MAP4K1: variants seen among roughly 807,000 people sequenced by gnomAD.
The protein encoded by MAP4K1 is MAPK/ERK kinase kinase kinase 1.
In MAP4K1, 35 loss-of-function variants were observed where a neutral mutation model predicts 122.8. The observed-to-expected ratio is 0.29, with a 90% CI of 0.22 to 0.38. The LOEUF (loss-of-function observed/expected upper bound fraction) is 0.38. MAP4K1 is among the 10% of genes least tolerant of loss of function. The pLI is 1.00. For missense variants in MAP4K1, 791 were observed against 1,072.6 expected (o/e 0.74, Z 3.67); for synonymous variants, 412 against 421.3 (o/e 0.98, Z 0.27).
At chr19:38,591,046 C>T (rs1049406101) in intron 30 of MAP4K1, among the ~76,000 whole-genome samples, 2 of 151,212 alleles carry the variant, frequency 1.3e-5, no homozygotes, top group East Asian at 2.0e-4. Context: ...GAGAAGAGGC[C>T]GGGCATGGTG....
rs758305822 is a variant in MAP4K1 at position 38,609,969 on chromosome 19, G to T, written c.867C>A (p.Asp289Glu). ...GTCCTTTCCCGGGATTCTTCAGTTT[G>T]TCAAGAAGATCCAGGATCAGGCCTC... Reference protein sequence around the residue: ...LNRGLILDLLDKLKNPGKGPS... With the variant: ...LNRGLILDLLEKLKNPGKGPS... Residue 289 changes from aspartate to glutamate, a missense_variant, in exon 12 of 31, where the codon GAC (aspartate) becomes GAA (glutamate). Coordinates refer to ENST00000396857, the MANE Select transcript of MAP4K1 (RefSeq NM_001042600.3). The T allele has an allele frequency of 3.7e-6, 6 of 1,614,078 alleles. No homozygotes were observed. The East Asian group carries it at 1.3e-4, about 36-fold the overall frequency.
chr19:38,599,669 G>GA (rs11460234), intron 22 of MAP4K1, among the ~76,000 whole-genome samples: 11,713 of 149,978 alleles, frequency 0.078, 758 homozygotes, highest in East Asian at 0.26. Context: ...CTCAAAAAAA[G>GA]AAAAAAAAAG....
Position 38,617,769 on chromosome 19 carries a change from G to C in MAP4K1, c.99+28C>G, listed in dbSNP as rs749713670. On this transcript the variant is annotated intron_variant, in intron 1 of 30. Coordinates refer to ENST00000396857, the MANE Select transcript of MAP4K1 (RefSeq NM_001042600.3). The surrounding 1 kb of genome is among the most constrained non-coding windows in gnomAD (Gnocchi z 4.1). ...TTGCCTTAAAGGTCACTGGTTGTAG[G>C]GTGTTGGGGACAGAGGGGCTTCCTC... 40 of 1,612,236 alleles carry C rather than the reference G, an allele frequency of 2.5e-5. No individual in the cohort carries two copies. In the South Asian group the frequency reaches 3.8e-4, roughly 15 times the overall value.
At chr19:38,609,844 G>T in intron 12 of MAP4K1, 65 bp downstream of exon 12, 1 of 1,454,296 alleles carries the variant, frequency 6.9e-7, no homozygotes, top group Non-Finnish European at 9.6e-7. Context: ...AGGCACTGCT[G>T]GCAGCAGGCA....
rs1975676187 is a variant in MAP4K1, at chr19:38,617,320, G to A, written c.248+34C>T. ...AATGGGGACTCCGGGTTAGGGGCTGGGCTGGGTGCCAGGGTGGGTCTGAGG... is the reference window on the plus strand; with the variant it reads ...AATGGGGACTCCGGGTTAGGGGCTGAGCTGGGTGCCAGGGTGGGTCTGAGG... On this transcript the variant is annotated intron_variant, in intron 3 of 30. Transcript: ENST00000396857. The surrounding 1 kb of genome is among the most constrained non-coding windows in gnomAD (Gnocchi z 4.1). 1.4e-6 allele frequency: 2 copies of A among 1,477,788 alleles called. No homozygotes were observed. Among genetic ancestry groups the A allele is most frequent in the East Asian group, 2.3e-5 (1 of 44,298 alleles). The allele number at this position is 1,477,788 out of a possible 1,614,324, so 91.5% of individuals were successfully genotyped here.
chr19:38,614,482 G>A (rs1975589798), intron 4 of MAP4K1, 37 bp from the exon 5 acceptor site: 4 of 1,612,500 alleles, frequency 2.5e-6, no homozygotes, highest in Non-Finnish European at 3.4e-6. Context: ...GGCATTGGAT[G>A]GGAGCCAGGG....
At chr19:38,596,628 C>G (rs961927444) in intron 25 of MAP4K1, 142 bp from the exon 26 acceptor site, 45 of 739,200 alleles carry the variant, frequency 6.1e-5, no homozygotes, top group Non-Finnish European at 7.5e-5. Flanking sequence ...GGGGATAAGG[C>G]CTGGTGCCTC....
chr19:38,595,408 G>A, intron 29 of MAP4K1, 77 bp downstream of exon 29: 1 of 1,474,146 alleles, frequency 6.8e-7, no homozygotes, highest in South Asian at 1.1e-5. Context: ...TGACTCAGGA[G>A]TTCTCGGAGC....
rs575331158 is a variant in MAP4K1 at position 38,612,428 on chromosome 19, AAAAAT to A, written c.665+178_665+182del. Among the ~76,000 whole-genome samples the A allele has an allele frequency of 8.6e-3, 1,311 of 152,150 alleles. 6 individuals carry two copies. Among genetic ancestry groups the A allele is most frequent in the Middle Eastern group, 0.031 (9 of 294 alleles). ...GAGCAAGACTCTGTCTTAAAAAATA[AAAAAT>A]AAAATAAAATAAAATATTAAATTAA... On this transcript the variant is annotated intron_variant, in intron 9 of 30. Coordinates refer to ENST00000396857, the MANE Select transcript of MAP4K1 (RefSeq NM_001042600.3).
In MAP4K1 at chr19:38,587,722, C is replaced by T. The variant is rs1974563546; in HGVS notation, c.*26G>A. 6.3e-7 allele frequency: 1 copy of T among 1,576,592 alleles called. No homozygotes were observed. Among genetic ancestry groups the T allele is most frequent in the East Asian group, 2.2e-5 (1 of 44,682 alleles). ...GTCTATGGGGGAGGGGGTGCAAGGA[C>T]TAGTTCCTGACACCCCCCTAGGGAC... On this transcript the variant is annotated 3_prime_UTR_variant, in exon 31 of 31. Transcript: ENST00000396857.
Position 38,603,143 on chromosome 19 carries a change from TAC to T in MAP4K1, c.1447-1620_1447-1619del, listed in dbSNP as rs778322854. On this transcript the variant is annotated intron_variant, in intron 19 of 30. Transcript: ENST00000396857. ...GTACATATATACGCATATACATATA[TAC>T]ACACATATACATGTATACATATATA... Among the ~76,000 whole-genome samples, 161 of 148,870 alleles carry T rather than the reference TAC, an allele frequency of 1.1e-3. 12 individuals carry two copies. The highest frequency in any genetic ancestry group is 3.8e-3 in the African/African-American group (153 of 40,604).
intron 30 of MAP4K1, 66 bp from the exon 31 acceptor site, chr19:38,587,883 A>G: frequency 7.9e-7 from 1 of 1,268,288 alleles, no homozygotes; most frequent in Non-Finnish European, 1.2e-6. Context: ...ATTAATTCAC[A>G]AAGTAGTTAA....
At chr19:38,602,539 C>T (rs183137577) in intron 19 of MAP4K1, among the ~76,000 whole-genome samples, 1 of 147,966 alleles carries the variant, frequency 6.8e-6, no homozygotes, top group African/African-American at 2.5e-5. Context: ...CATATATACA[C>T]ATATACATAT....
At position 38,605,706 on chromosome 19, in the gene MAP4K1, C is replaced by G; in HGVS notation, c.1225G>C (p.Glu409Gln). ...PKPKFRSPSD[E>Q]GPGSMGDDGQ... ...TCATCCCCCATGCTCCCAGGACCCT[C>G]GTCTGATGGAGAACGGAACTTGGGC... is the stretch of plus-strand genomic sequence containing the variant. Residue 409 changes from glutamate (E) to glutamine (Q), a missense_variant, in exon 18 of 31, where the codon GAG becomes CAG. By Grantham distance (29) the Glu-to-Gln change is conservative. Transcript: ENST00000396857. 6.2e-7 allele frequency: 1 copy of G among 1,607,220 alleles called. No homozygotes were observed. The highest frequency in any genetic ancestry group is 8.5e-7 in the Non-Finnish European group (1 of 1,178,498).
At chr19:38,617,000 C>G (rs998700714) in intron 3 of MAP4K1, among the ~76,000 whole-genome samples, 1 of 152,060 alleles carries the variant, frequency 6.6e-6, no homozygotes, top group Non-Finnish European at 1.5e-5. Flanking sequence ...GTAATCCCAG[C>G]ACTTTCGGAG....
intron 18 of MAP4K1, 33 bp from the exon 19 acceptor site, chr19:38,605,524 G>A (rs1975298691): frequency 2.6e-6 from 4 of 1,541,048 alleles, no homozygotes; most frequent in Non-Finnish European, 3.5e-6. Context: ...CAGCCCCCAA[G>A]AACCCCCAAC....
rs1568625664 is a variant in MAP4K1 at position 38,597,699 on chromosome 19, C to A, written c.1670-105G>T. The A allele has an allele frequency of 1.2e-5, 8 of 692,418 alleles. No homozygotes were observed. In the East Asian group the frequency reaches 2.2e-4, roughly 19 times the overall value. 42.9% of individuals were successfully genotyped at this position (692,418 alleles called of 1,614,324 possible). On this transcript the variant is annotated intron_variant, in intron 22 of 30. Transcript: ENST00000396857. The surrounding 1 kb of genome is among the most constrained non-coding windows in gnomAD (Gnocchi z 4.6). The stretch of plus-strand genomic sequence containing the variant: ...CAGCCCCATCCCTTTGTCTGAAACT[C>A]CCAAGCCTGCAAGTCTCAAGTACTT...
Position 38,609,670 on chromosome 19 carries a change from G to T in MAP4K1, c.932C>A (p.Pro311His). The change falls in exon 13 of 31, where the codon CCC becomes CAC. Residue 311 changes from proline to histidine, a missense_variant. Pro to His is a moderately conservative substitution (Grantham distance 77). Transcript: ENST00000396857. Reference sequence around the variant, plus strand: ...TCTGATCCGCCGAGGGATAGCAGGGGGTAGCTGGGCAGAGGGGCAGCCACG... The same window carrying T: ...TCTGATCCGCCGAGGGATAGCAGGGTGTAGCTGGGCAGAGGGGCAGCCACG... ...GDIEDEEPELPPAIPRRIRST... is the reference protein window; with the variant it reads ...GDIEDEEPELHPAIPRRIRST... 1.2e-6 allele frequency: 2 copies of T among 1,612,160 alleles called. No individual in the cohort carries two copies. Among genetic ancestry groups the T allele is most frequent in the Non-Finnish European group, 8.5e-7 (1 of 1,179,252 alleles).
At chr19:38,599,057 G>A (rs34667097) in intron 22 of MAP4K1, among the ~76,000 whole-genome samples, 4,525 of 147,456 alleles carry the variant, frequency 0.031, 108 homozygotes, top group Admixed American at 0.059. Flanking sequence ...GGCCAGGTGC[G>A]GTGGCCCACA....
Sources: allele counts gnomAD v4.1 joint callset (sites outside exome capture counted in the v4.1 genomes callset), GRCh38; gene constraint gnomAD v4.1.1; non-coding constraint Gnocchi (gnomAD v3.1); transcripts MANE v1.5; gene names NCBI Gene and HGNC (gene_info 2026-07-23, HGNC 2026-07-21).